Variants in PDE3B observed in about 807,000 individuals in gnomAD.
PDE3B encodes the protein phosphodiesterase 3B.
A neutral mutation model predicts 116.8 loss-of-function variants in PDE3B; 66 were observed. The ratio of observed to expected loss-of-function variants is 0.56; its 90% confidence interval spans 0.46 to 0.69. The LOEUF is 0.69. Ranked by LOEUF, PDE3B falls within the 30% of genes least tolerant of loss-of-function variation. The pLI, the probability that PDE3B is intolerant of heterozygous loss-of-function variation, is 0.00. For synonymous variants in PDE3B, 595 were observed against 533.6 expected, an observed-to-expected ratio of 1.12 and a Z score of -1.59; for missense variants, 1,384 against 1,368.1, an observed-to-expected ratio of 1.01 and a Z score of -0.18.
chr11:14,814,086 T>C (rs908986040), intron 5 of PDE3B, among the ~76,000 whole-genome samples: 3 of 152,162 alleles, frequency 2.0e-5, no homozygotes, highest in Non-Finnish European at 4.4e-5. Context: ...TAAAAAATTA[T>C]AAGCAAATTG....
chr11:14,697,442 C>G (rs1006461499), intron 1 of PDE3B, among the ~76,000 whole-genome samples: 1 of 152,066 alleles, frequency 6.6e-6, no homozygotes, highest in African/African-American at 2.4e-5. Context: ...TTTTTGGACT[C>G]TGTTCCATTG....
At chr11:14,786,755 A>T in intron 3 of PDE3B, 70 bp downstream of exon 3, 1 of 1,239,788 alleles carries the variant, frequency 8.1e-7, no homozygotes, top group Non-Finnish European at 1.2e-6. Context: ...CTGCTCCTTT[A>T]AATTCTATAT....
intron 4 of PDE3B, among the ~76,000 whole-genome samples, chr11:14,802,001 G>C (rs532804353): frequency 4.6e-5 from 7 of 152,322 alleles, no homozygotes; most frequent in Admixed American, 3.9e-4. Flanking sequence ...AGCATCCCAG[G>C]TGGATCTCAG....
chr11:14,660,183 C>T (rs1410360351), intron 1 of PDE3B, among the ~76,000 whole-genome samples: 1 of 152,128 alleles, frequency 6.6e-6, no homozygotes, highest in African/African-American at 2.4e-5. Context: ...ATCTTATGCC[C>T]TGTTTATAAG....
chr11:14,840,558 G>A (rs557565832), intron 11 of PDE3B, among the ~76,000 whole-genome samples: 7 of 152,246 alleles, frequency 4.6e-5, no homozygotes, highest in East Asian at 1.9e-4. Context: ...CCATAGTTAC[G>A]GCTTTGTGGG....
At chr11:14,711,666 C>T (rs763804815) in intron 1 of PDE3B, among the ~76,000 whole-genome samples, 31 of 152,116 alleles carry the variant, frequency 2.0e-4, no homozygotes, top group South Asian at 4.1e-4. Flanking sequence ...ATGAGGAACC[C>T]GCCCCCATGA....
chr11:14,677,430 A>G (rs1005377994), intron 1 of PDE3B, among the ~76,000 whole-genome samples: 1 of 152,230 alleles, frequency 6.6e-6, no homozygotes, highest in Non-Finnish European at 1.5e-5. Flanking sequence ...CGTATATGTA[A>G]TGATATCTTT....
rs189824572 is a variant in PDE3B, at chr11:14,671,567, T to G, written c.978+26514T>G. Among the ~76,000 whole-genome samples the G allele has an allele frequency of 2.6e-5, 4 of 152,248 alleles. No individual in the cohort carries two copies. The East Asian group carries it at 7.7e-4, about 29-fold the overall frequency. ...AGACAATTTTATGGTATAATTTATG[T>G]TTAAAAAAGATTATTCTTGCTTGTT... On this transcript the variant is annotated intron_variant, in intron 1 of 15. Coordinates refer to ENST00000282096, the MANE Select transcript of PDE3B (RefSeq NM_000922.4).
intron 1 of PDE3B, among the ~76,000 whole-genome samples, chr11:14,757,220 G>A (rs1312990756): frequency 3.3e-5 from 5 of 151,340 alleles, no homozygotes; most frequent in Admixed American, 6.6e-5. Context: ...CATTTGGGTC[G>A]GTTCCAAGTC....
chr11:14,847,038 T>A (rs1311847172), intron 12 of PDE3B, among the ~76,000 whole-genome samples: 1 of 152,140 alleles, frequency 6.6e-6, no homozygotes, highest in Non-Finnish European at 1.5e-5. Flanking sequence ...AGAATATACA[T>A]TTTTTTCAGC....
intron 12 of PDE3B, among the ~76,000 whole-genome samples, chr11:14,844,506 C>G (rs953359865): frequency 2.0e-4 from 30 of 152,180 alleles, no homozygotes; most frequent in Non-Finnish European, 4.4e-5. Context: ...GTGCAGCGCA[C>G]CGTGCGCGAG....
intron 1 of PDE3B, among the ~76,000 whole-genome samples, chr11:14,743,425 C>T (rs1170926383): frequency 6.6e-6 from 1 of 152,194 alleles, no homozygotes; most frequent in East Asian, 1.9e-4. Context: ...CAAGTTGGAG[C>T]ATCACAGGTT....
intron 4 of PDE3B, among the ~76,000 whole-genome samples, chr11:14,800,813 A>G (rs1029700039): frequency 5.3e-5 from 8 of 151,932 alleles, no homozygotes; most frequent in African/African-American, 1.9e-4. Context: ...CAGATTTGGT[A>G]TTTTCACATA....
intron 8 of PDE3B, among the ~76,000 whole-genome samples, chr11:14,831,109 C>T (rs1460268914): frequency 6.6e-6 from 1 of 151,356 alleles, no homozygotes; most frequent in Non-Finnish European, 1.5e-5. Flanking sequence ...ATATTATTTT[C>T]TATTCTGATA....
chr11:14,805,703 A>C (rs2133936316), intron 5 of PDE3B, among the ~76,000 whole-genome samples: 1 of 152,314 alleles, frequency 6.6e-6, no homozygotes, highest in Non-Finnish European at 1.5e-5. Context: ...CAGTAAAGGA[A>C]GTTTCTTAGG....
intron 2 of PDE3B, among the ~76,000 whole-genome samples, chr11:14,781,394 C>T (rs1024400633): frequency 6.6e-6 from 1 of 152,150 alleles, no homozygotes; most frequent in Admixed American, 6.5e-5. Context: ...TGATGAACAT[C>T]GATGCAAAAA....
At chr11:14,795,996 G>A (rs2133925861) in intron 4 of PDE3B, among the ~76,000 whole-genome samples, 1 of 152,186 alleles carries the variant, frequency 6.6e-6, no homozygotes, top group Middle Eastern at 3.4e-3. Context: ...ACCTACATTA[G>A]ATATTTCTCC....
At chr11:14,865,182 A>G (rs1377728777) in intron 14 of PDE3B, among the ~76,000 whole-genome samples, 2 of 152,184 alleles carry the variant, frequency 1.3e-5, no homozygotes, top group Non-Finnish European at 2.9e-5. Context: ...AATACAAACT[A>G]CTATCAGAGA....
At chr11:14,864,732 A>T (rs1555007794) in intron 14 of PDE3B, among the ~76,000 whole-genome samples, 1 of 152,188 alleles carries the variant, frequency 6.6e-6, no homozygotes, top group Non-Finnish European at 1.5e-5. Context: ...GCACAATGAC[A>T]TGGAAACGGA....
Sources: allele counts gnomAD v4.1 joint callset (sites outside exome capture counted in the v4.1 genomes callset), GRCh38; gene constraint gnomAD v4.1.1; transcripts MANE v1.5; gene names NCBI Gene and HGNC (gene_info 2026-07-23, HGNC 2026-07-21).